Variants in DAB1 observed in about 807,000 individuals in gnomAD.
DAB1 encodes the protein disabled homolog 1.
DAB1 carries 15 observed loss-of-function variants against 64.6 expected under a neutral mutation model. That is an observed-to-expected ratio of 0.23 (90% CI 0.16 to 0.36). The LOEUF (loss-of-function observed/expected upper bound fraction) is 0.36, where lower values mean the gene tolerates loss of function less well. Among genes scored for constraint, DAB1 ranks in the 10% least tolerant of loss-of-function variants. DAB1 has a pLI of 1.00. For missense variants in DAB1, 596 were observed against 706.7 expected (o/e 0.84, Z 1.78); for synonymous variants, 235 against 251.9 (o/e 0.93, Z 0.64).
At chr1:58,125,441 CT>C (rs56791592) in intron 5 of DAB1, among the ~76,000 whole-genome samples, 5,424 of 138,164 alleles carry the variant, frequency 0.039, 217 homozygotes, top group African/African-American at 0.11. Context: ...TCACTTGATA[CT>C]TTTTTTTTTT....
Position 57,128,332 on chromosome 1 carries a change from T to A in DAB1, c.306+8211A>T, listed in dbSNP as rs76760804. On this transcript the variant is annotated intron_variant, in intron 4 of 14. Coordinates refer to ENST00000371236, the MANE Select transcript of DAB1 (RefSeq NM_001365792.1). Reference sequence around the variant, plus strand: ...CATAGCTTTTCACCTAGTCTTCATCTCCCAATGCCAAAGGGCTCATGGACC... The same window carrying A: ...CATAGCTTTTCACCTAGTCTTCATCACCCAATGCCAAAGGGCTCATGGACC... Among the ~76,000 whole-genome samples, 647 of 152,134 alleles carry A rather than the reference T, an allele frequency of 4.3e-3. 35 individuals carry two copies. In the East Asian group the frequency reaches 0.1, roughly 24 times the overall value.
intron 7 of DAB1, among the ~76,000 whole-genome samples, chr1:57,572,429 C>T (rs1352046728): frequency 6.6e-6 from 1 of 152,136 alleles, no homozygotes; most frequent in African/African-American, 2.4e-5. Context: ...AGAGTGTGGG[C>T]TCTGGAGCCA....
chr1:58,211,053 A>G (rs1658528395), intron 4 of DAB1, among the ~76,000 whole-genome samples: 1 of 152,152 alleles, frequency 6.6e-6, no homozygotes, highest in Non-Finnish European at 1.5e-5. Context: ...AGGAACATCT[A>G]GAAACCTGGA....
chr1:57,159,769 C>A (rs529532213), intron 2 of DAB1, among the ~76,000 whole-genome samples: 4 of 148,274 alleles, frequency 2.7e-5, no homozygotes, highest in African/African-American at 1.0e-4. Flanking sequence ...TTCTATGACT[C>A]CCAGCAATTT....
intron 2 of DAB1, among the ~76,000 whole-genome samples, chr1:57,215,832 C>T (rs1219328906): frequency 6.6e-6 from 1 of 152,062 alleles, no homozygotes; most frequent in Non-Finnish European, 1.5e-5. Context: ...TTCTGAAAGC[C>T]CCTATTTGGA....
At chr1:57,331,571 AC>A (rs1037055121) in intron 1 of DAB1, among the ~76,000 whole-genome samples, 6 of 152,148 alleles carry the variant, frequency 3.9e-5, no homozygotes, top group African/African-American at 4.8e-5. Context: ...CTTCTCTTTA[AC>A]CTTTGCCTTC....
intron 4 of DAB1, among the ~76,000 whole-genome samples, chr1:58,203,746 C>T (rs376192300): frequency 6.6e-6 from 1 of 152,154 alleles, no homozygotes; most frequent in East Asian, 1.9e-4. Flanking sequence ...GATCAAACTG[C>T]ACTGCAATGA....
intron 1 of DAB1, among the ~76,000 whole-genome samples, chr1:57,359,489 G>A (rs1679377542): frequency 1.3e-5 from 2 of 152,140 alleles, no homozygotes; most frequent in East Asian, 1.9e-4. Flanking sequence ...CACAGGTGAT[G>A]GAAATGTAGA....
chr1:58,181,609 A>C (rs1301178667), intron 4 of DAB1, among the ~76,000 whole-genome samples: 1 of 152,054 alleles, frequency 6.6e-6, no homozygotes, highest in Non-Finnish European at 1.5e-5. Context: ...TTGTTTTCTT[A>C]ATAAATTTTC....
intron 6 of DAB1, among the ~76,000 whole-genome samples, chr1:57,788,306 C>T (rs1430052358): frequency 6.6e-6 from 1 of 152,202 alleles, no homozygotes; most frequent in South Asian, 2.1e-4. Flanking sequence ...TAAAAAAACA[C>T]TGGGTGCATT....
intron 7 of DAB1, among the ~76,000 whole-genome samples, chr1:57,636,212 G>A (rs929561888): frequency 1.3e-5 from 2 of 152,020 alleles, no homozygotes; most frequent in Admixed American, 1.3e-4. Flanking sequence ...GCCACGTGAA[G>A]CTACAGTGAG....
At chr1:58,061,722 C>CTCT (rs1277554299) in intron 5 of DAB1, among the ~76,000 whole-genome samples, 2 of 152,104 alleles carry the variant, frequency 1.3e-5, no homozygotes, top group East Asian at 3.9e-4. Flanking sequence ...TAAGGCTGTT[C>CTCT]TCTTCTCAGT....
At chr1:58,369,701 G>A (rs777838870) in intron 3 of DAB1, among the ~76,000 whole-genome samples, 4 of 152,218 alleles carry the variant, frequency 2.6e-5, no homozygotes, top group African/African-American at 4.8e-5. Flanking sequence ...AGAAATTGAG[G>A]TTAAATGAAT....
chr1:57,381,553 G>A (rs1681377616), intron 1 of DAB1, among the ~76,000 whole-genome samples: 1 of 152,102 alleles, frequency 6.6e-6, no homozygotes, highest in Non-Finnish European at 1.5e-5. Context: ...TCATATGGAT[G>A]ATCTCTATTT....
At chr1:57,982,883 A>G (rs1646100335) in intron 5 of DAB1, among the ~76,000 whole-genome samples, 1 of 152,202 alleles carries the variant, frequency 6.6e-6, no homozygotes, top group South Asian at 2.1e-4. Context: ...CAACACTTTC[A>G]CCAATATTTT....
chr1:57,550,076 A>G (rs541796730), intron 7 of DAB1, among the ~76,000 whole-genome samples: 4 of 152,298 alleles, frequency 2.6e-5, no homozygotes, highest in African/African-American at 9.6e-5. Context: ...CTTTGGAACA[A>G]TCAAGACCTG....
At chr1:57,513,127 G>A (rs571733023) in intron 7 of DAB1, among the ~76,000 whole-genome samples, 27 of 143,944 alleles carry the variant, frequency 1.9e-4, no homozygotes, top group Non-Finnish European at 2.7e-4. Flanking sequence ...GCACTGGTTC[G>A]TCTGAATACA....
chr1:58,300,791 T>C (rs898049377), intron 4 of DAB1, among the ~76,000 whole-genome samples: 78 of 151,804 alleles, frequency 5.1e-4, no homozygotes, highest in African/African-American at 1.9e-3. Flanking sequence ...GCAGAACCAA[T>C]GCATACAGTT....
chr1:57,993,416 T>A (rs1290418880), intron 5 of DAB1, among the ~76,000 whole-genome samples: 1 of 152,178 alleles, frequency 6.6e-6, no homozygotes, highest in Admixed American at 6.5e-5. Flanking sequence ...TGCCACCCCA[T>A]CCTCGGAGAG....
Sources: gnomAD v4.1 joint callset for allele counts (sites outside exome capture counted in the v4.1 genomes callset) on GRCh38, gnomAD v4.1.1 for gene constraint, MANE v1.5 for transcripts, NCBI Gene and HGNC (gene_info 2026-07-23, HGNC 2026-07-21) for gene names.